The following SELENOO variants were observed in gnomAD, a reference collection of about 807,000 sequenced individuals.
The protein encoded by SELENOO is protein adenylyltransferase SelO, mitochondrial.
A neutral mutation model predicts 58.7 loss-of-function variants in SELENOO; 74 were observed. The observed-to-expected ratio is 1.26, with a 90% confidence interval of 1.04 to 1.53. The LOEUF (loss-of-function observed/expected upper bound fraction) is 1.53, where lower values mean the gene tolerates loss of function less well. SELENOO is among the 40% of genes most tolerant of loss of function. The pLI, the probability that SELENOO is intolerant of heterozygous loss-of-function variation, is 0.00. For synonymous variants in SELENOO, 543 were observed against 453.2 expected (o/e 1.20, Z -2.52); for missense variants, 1,149 against 970.0 (o/e 1.18, Z -2.45).
intron 1 of SELENOO, chr22:50,205,879 C>G (rs893338515): frequency 1.1e-5 from 2 of 181,638 alleles, no homozygotes; most frequent in African/African-American, 4.8e-5. Flanking sequence ...CCTCCTCCCA[C>G]TGTGGGTGTG....
Position 50,207,232 on chromosome 22 carries a change from C to T in SELENOO, c.758+712C>T, listed in dbSNP as rs189380037. ...CCGCCTCCCGGGTTCAAGCGATTCT[C>T]CTACCTCAGTCCCCCCAAATAGCTG... On this transcript the variant is annotated intron_variant, in intron 2 of 8. Transcript: ENST00000380903. Among the ~76,000 whole-genome samples the T allele has an allele frequency of 7.2e-5, 11 of 152,200 alleles. No homozygotes were observed. The East Asian group carries it at 1.5e-3, about 21-fold the overall frequency.
chr22:50,216,231 G>A (rs946088109), intron 6 of SELENOO, among the ~76,000 whole-genome samples: 14 of 152,226 alleles, frequency 9.2e-5, no homozygotes, highest in African/African-American at 2.9e-4. Flanking sequence ...CGTGCAGGAT[G>A]AGACGTGGAA....
rs762249435 is a variant in SELENOO at position 50,206,414 on chromosome 22, G to GCC, written c.653_654dup (p.Cys219ProfsTer30). 1.9e-6 allele frequency: 3 copies of GCC among 1,614,188 alleles called. No homozygotes were observed. The East Asian group carries it at 6.7e-5, about 36-fold the overall frequency. On this transcript the variant is annotated frameshift_variant, in exon 2 of 9. Transcript: ENST00000380903. LOFTEE classifies it high-confidence loss of function. ...GGGAGTCCCCACCACACGGGCCGGC[G>GCC]CCTGCGTCACGTCCGAGTCCACGGT...
At chr22:50,212,595 G>A (rs980851200) in intron 5 of SELENOO, among the ~76,000 whole-genome samples, 5 of 152,138 alleles carry the variant, frequency 3.3e-5, no homozygotes, top group African/African-American at 7.2e-5. Context: ...TGTGTGAGCC[G>A]GTTACCAGCT....
At chr22:50,208,935 G>A (rs1156426910) in intron 3 of SELENOO, among the ~76,000 whole-genome samples, 5 of 152,212 alleles carry the variant, frequency 3.3e-5, no homozygotes, top group East Asian at 1.9e-4. Context: ...GGCCCTGGGC[G>A]TGCTCTCCTA....
intron 5 of SELENOO, 73 bp downstream of exon 5, chr22:50,210,984 C>A (rs2064367891): frequency 1.3e-6 from 2 of 1,536,568 alleles, no homozygotes; most frequent in Non-Finnish European, 1.8e-6. Context: ...TACCTTCTGG[C>A]TTCCAGGTTC....
Position 50,217,200 on chromosome 22 carries a change from T to C in SELENOO, c.1846-5T>C, listed in dbSNP as rs1236648003. ...CAGACCCCTCTCACCCTCCTGATCC[T>C]CCAGGTGCGGCGGGTGCTGAAACTA... On this transcript the variant is annotated splice_polypyrimidine_tract_variant and splice_region_variant and intron_variant, in intron 8 of 8. Coordinates refer to ENST00000380903, the MANE Select transcript of SELENOO (RefSeq NM_031454.2). 1.9e-6 allele frequency: 3 copies of C among 1,611,892 alleles called. No homozygotes were observed. The highest frequency in any genetic ancestry group is 2.7e-5 in the African/African-American group (2 of 74,870).
At position 50,217,161 on chromosome 22, in the gene SELENOO, A is replaced by AG. The variant is rs548092332; in HGVS notation, c.1846-38dup. 8.2e-4 allele frequency: 1,318 copies of AG among 1,610,978 alleles called. 16 individuals are homozygous for AG. In the African/African-American group the frequency reaches 0.014, roughly 17 times the overall value. Reference sequence around the variant, plus strand: ...CACGCCTGTCCCTGTGGTCCCTGGGAGGGGGGTCGGCCCCAGACCCCTCTC... The same window carrying AG: ...CACGCCTGTCCCTGTGGTCCCTGGGAGGGGGGGTCGGCCCCAGACCCCTCTC... On this transcript the variant is annotated intron_variant, in intron 8 of 8. Transcript: ENST00000380903.
chr22:50,216,757 G>C lies in SELENOO; in HGVS notation c.1569G>C (p.Arg523=), dbSNP rs369107772. 3.5e-5 allele frequency: 57 copies of C among 1,607,904 alleles called. No homozygotes were observed. The highest frequency in any genetic ancestry group is 4.4e-5 in the Non-Finnish European group (52 of 1,179,514). The change falls in exon 7 of 9, where the codon CGG becomes CGC. Residue 523 remains arginine, a synonymous_variant. Transcript: ENST00000380903. The part of the protein sequence containing the change: ...NPQLFALMGT[R]AGIARELERV... ...AGCTGTTCGCGCTTATGGGCACCCGGGCAGGCATCGCCAGGGAGCTGGAGC... is the reference window on the plus strand; with the variant it reads ...AGCTGTTCGCGCTTATGGGCACCCGCGCAGGCATCGCCAGGGAGCTGGAGC...
Position 50,206,379 on chromosome 22 carries a change from T to C in SELENOO, c.617T>C (p.Met206Thr), listed in dbSNP as rs1163577827. ...CGGGAGTTTCTATGCAGCGAAGCCATGTTCCACCTGGGAGTCCCCACCACA... is the reference window on the plus strand; with the variant it reads ...CGGGAGTTTCTATGCAGCGAAGCCACGTTCCACCTGGGAGTCCCCACCACA... ...SIREFLCSEAMFHLGVPTTRA... is the reference protein window; with the variant it reads ...SIREFLCSEATFHLGVPTTRA... The change falls in exon 2 of 9, where the codon ATG becomes ACG. Residue 206 changes from methionine to threonine, a missense_variant. Coordinates refer to ENST00000380903, the MANE Select transcript of SELENOO (RefSeq NM_031454.2). 1.4e-5 allele frequency: 23 copies of C among 1,613,990 alleles called. No homozygotes were observed. Among genetic ancestry groups the C allele is most frequent in the Non-Finnish European group, 1.9e-5 (22 of 1,180,052 alleles).
chr22:50,214,074 A>C (rs2064389754), intron 5 of SELENOO, among the ~76,000 whole-genome samples: 1 of 152,176 alleles, frequency 6.6e-6, no homozygotes, highest in Admixed American at 6.5e-5. Flanking sequence ...TATTGGGTGC[A>C]TGTTTATAAT....
In SELENOO at chr22:50,217,113, C is replaced by T. The variant is rs746794913; in HGVS notation, c.1830C>T (p.Arg610=). ...IAQNAIEAAE[R]GDFSEVRRVL... ...AGAATGCCATCGAGGCTGCCGAGCG[C>T]GGGGACTTCTCAGAGGCAAGCACAC... The change falls in exon 8 of 9, where the codon CGC becomes CGT. Residue 610 remains arginine, a synonymous_variant. Coordinates refer to ENST00000380903, the MANE Select transcript of SELENOO (RefSeq NM_031454.2). The T allele has an allele frequency of 4.0e-5, 65 of 1,612,830 alleles. No individual in the cohort carries two copies. Among genetic ancestry groups the T allele is most frequent in the East Asian group, 8.9e-5 (4 of 44,872 alleles).
At position 50,216,730 on chromosome 22, in the gene SELENOO, G is replaced by A. The variant is rs748180361; in HGVS notation, c.1542G>A (p.Pro514=). The A allele has an allele frequency of 2.1e-5, 34 of 1,603,680 alleles. 1 individual carries two copies. Among genetic ancestry groups the A allele is most frequent in the South Asian group, 7.8e-5 (7 of 90,174 alleles). Reference sequence around the variant, plus strand: ...TGCTGATGCTGGCGCAGTCAAACCCGCAGCTGTTCGCGCTTATGGGCACCC... The same window carrying A: ...TGCTGATGCTGGCGCAGTCAAACCCACAGCTGTTCGCGCTTATGGGCACCC... ...SMMLMLAQSN[P]QLFALMGTRA... The change falls in exon 7 of 9, where the codon CCG becomes CCA. Residue 514 remains proline (P), a synonymous_variant. Coordinates refer to ENST00000380903, the MANE Select transcript of SELENOO (RefSeq NM_031454.2).
At position 50,210,897 on chromosome 22, in the gene SELENOO, C is replaced by A; in HGVS notation, c.1337C>A (p.Thr446Asn). 2 of 1,614,064 alleles carry A rather than the reference C, an allele frequency of 1.2e-6. No individual in the cohort carries two copies. Among genetic ancestry groups the A allele is most frequent in the Non-Finnish European group, 1.7e-6 (2 of 1,180,020 alleles). ...GCGCTGGTGTCCAAGCTCCTGGAGA[C>A]CATGCATCTGACCGGTGAGTGACCC... is the stretch of plus-strand genomic sequence containing the variant. ...DGALVSKLLE[T>N]MHLTGADFTN... Residue 446 changes from threonine (T) to asparagine (N), a missense_variant, in exon 5 of 9, where the codon ACC (threonine) becomes AAC (asparagine). By Grantham distance (65) the Thr-to-Asn change is moderately conservative. Transcript: ENST00000380903.
At chr22:50,205,911 G>T (rs1018625467) in intron 1 of SELENOO, 6 of 210,408 alleles carry the variant, frequency 2.9e-5, no homozygotes, top group Non-Finnish European at 5.8e-5. Flanking sequence ...AGGCACAGAG[G>T]AGCTCATTCC....
chr22:50,213,173 CCTT>C (rs2064383529), intron 5 of SELENOO, among the ~76,000 whole-genome samples: 1 of 151,994 alleles, frequency 6.6e-6, no homozygotes. Flanking sequence ...TGGTTCTCCT[CCTT>C]CAGACTCCCA....
chr22:50,210,559 T>G lies in SELENOO; in HGVS notation c.1071-72T>G, dbSNP rs191353603. ...TTGGGACCTTCCCCTGGGCCTCCCC[T>G]CCAGGGTGGCTGCACCATCTCCCGG... On this transcript the variant is annotated intron_variant, in intron 4 of 8. Coordinates refer to ENST00000380903, the MANE Select transcript of SELENOO (RefSeq NM_031454.2). 2.2e-4 allele frequency: 353 copies of G among 1,601,110 alleles called. 1 individual carries two copies. The East Asian group carries it at 7.3e-3, about 33-fold the overall frequency.
At chr22:50,208,402 C>A in intron 2 of SELENOO, 134 bp from the exon 3 acceptor site, 1 of 776,982 alleles carries the variant, frequency 1.3e-6, no homozygotes, top group Non-Finnish European at 2.0e-6. Flanking sequence ...TGCACTCCAG[C>A]CTGGACAACA....
chr22:50,215,645 G>GT, intron 5 of SELENOO, 72 bp from the exon 6 acceptor site: 3 of 1,227,008 alleles, frequency 2.4e-6, no homozygotes, highest in South Asian at 3.0e-5. Flanking sequence ...TGGGGGGGGG[G>GT]GGGTCTGTGT....
Sources: gnomAD v4.1 joint callset for allele counts (sites outside exome capture counted in the v4.1 genomes callset) on GRCh38, gnomAD v4.1.1 for gene constraint, MANE v1.5 for transcripts, NCBI Gene and HGNC (gene_info 2026-07-23, HGNC 2026-07-21) for gene names.